The following NKPD1 variants were observed in gnomAD, a reference collection of about 807,000 sequenced individuals.
NKPD1 encodes NTPase KAP family P-loop domain-containing protein 1.
A neutral mutation model predicts 42.2 loss-of-function variants in NKPD1; 37 were observed. The observed-to-expected ratio is 0.88, with a 90% CI of 0.67 to 1.15. The LOEUF is 1.15. Ranked by LOEUF, NKPD1 falls within the 50% of genes most tolerant of loss-of-function variation. The pLI, the probability that NKPD1 is intolerant of heterozygous loss-of-function variation, is 0.00. For missense variants in NKPD1, 1,113 were observed against 1,174.6 expected (o/e 0.95, Z 0.77); for synonymous variants, 552 against 536.5 (o/e 1.03, Z -0.40).
chr19:45,162,289 C>T (rs1969022407), upstream of NKPD1, among the ~76,000 whole-genome samples: 1 of 152,202 alleles, frequency 6.6e-6, no homozygotes, highest in Non-Finnish European at 1.5e-5. Flanking sequence ...CAGCTACACT[C>T]AGCCAGGTGG....
intron 4 of NKPD1, among the ~76,000 whole-genome samples, chr19:45,155,242 C>T (rs1405022361): frequency 2.0e-5 from 3 of 151,826 alleles, no homozygotes; most frequent in Admixed American, 6.6e-5. Flanking sequence ...CACTTGAACC[C>T]GGGAGGCGGA....
In NKPD1 at chr19:45,155,389, C is replaced by G. The variant is rs145341058; in HGVS notation, c.661+396G>C. 2.5e-4 allele frequency among the ~76,000 whole-genome samples: 38 copies of G among 151,918 alleles called. No homozygotes were observed. In the East Asian group the frequency reaches 7.2e-3, roughly 29 times the overall value. On this transcript the variant is annotated intron_variant, in intron 4 of 4. Transcript: ENST00000686631. The stretch of plus-strand genomic sequence containing the variant: ...TCAGTTGGCATCTATGTATCAGGTA[C>G]TTTGTGACCACCAAGCCTTAAGAGG...
Position 45,150,393 on chromosome 19 carries a change from C to CA in NKPD1, c.*1544dup. 1 of 152,230 alleles carries CA rather than the reference C, an allele frequency of 6.6e-6. No homozygotes were observed. Among genetic ancestry groups the CA allele is most frequent in the South Asian group, 2.1e-4 (1 of 4,836 alleles). 9.4% of individuals were successfully genotyped at this position (152,230 alleles called of 1,614,324 possible). On this transcript the variant is annotated 3_prime_UTR_variant, in exon 5 of 5. Coordinates refer to ENST00000686631, the MANE Select transcript of NKPD1 (RefSeq NM_198478.4). Reference sequence around the variant, plus strand: ...CACGTTAGCATCTCTCACAGCACCCCACTCCTGGTAACAGGAGTGAAAATT... The same window carrying CA: ...CACGTTAGCATCTCTCACAGCACCCCAACTCCTGGTAACAGGAGTGAAAATT...
chr19:45,154,280 C>A (rs1208139564), intron 4 of NKPD1, among the ~76,000 whole-genome samples: 1 of 152,192 alleles, frequency 6.6e-6, no homozygotes, highest in Non-Finnish European at 1.5e-5. Context: ...CCTCCCTGAT[C>A]CCCAGGCTGG....
In NKPD1 at chr19:45,158,952, C is replaced by T; in HGVS notation, c.240G>A (p.Leu80=). 7.7e-7 allele frequency: 1 copy of T among 1,300,340 alleles called. No individual in the cohort carries two copies. The allele number at this position is 1,300,340 out of a possible 1,614,324, so 80.6% of individuals were successfully genotyped here. Residue 80 remains leucine, a synonymous_variant, in exon 3 of 5, where the codon CTG becomes CTA. Transcript: ENST00000686631. The surrounding 1 kb of genome is among the most constrained non-coding windows in gnomAD (Gnocchi z 4.6). ...GGGACTGGGGCTGCCGCTGCTGCTG[C>T]AGGACGGAGGGCAGGAGGCCCCGGC... The part of the protein sequence containing the change: ...GWRRGLLPSV[L]QQQRQPQSQP...
At chr19:45,161,590 G>T (rs771659031), upstream of NKPD1, among the ~76,000 whole-genome samples, 4 of 152,206 alleles carry the variant, frequency 2.6e-5, no homozygotes, top group Non-Finnish European at 5.9e-5. Flanking sequence ...TGAAGTCCTC[G>T]GCCCCAGGGC....
Position 45,151,112 on chromosome 19 carries a change from C to T in NKPD1, c.*826G>A, listed in dbSNP as rs1968768766. ...GTGGGGGAGCCCTAGTGTAACCCCT[C>T]CTGGCTGGCTGTGGCTTGGGCCCTG... On this transcript the variant is annotated 3_prime_UTR_variant, in exon 5 of 5. Transcript: ENST00000686631. The T allele has an allele frequency of 6.5e-6, 1 of 152,972 alleles. No individual in the cohort carries two copies. Among genetic ancestry groups the T allele is most frequent in the Non-Finnish European group, 1.5e-5 (1 of 68,646 alleles). 9.5% of individuals were successfully genotyped at this position (152,972 alleles called of 1,614,324 possible).
chr19:45,161,469 A>G (rs1969004254), upstream of NKPD1, among the ~76,000 whole-genome samples: 1 of 152,226 alleles, frequency 6.6e-6, no homozygotes, highest in African/African-American at 2.4e-5. Context: ...GACAAGGGCA[A>G]CAGCACACAC....
At chr19:45,157,421 A>C (rs920248967) in intron 3 of NKPD1, among the ~76,000 whole-genome samples, 2 of 152,148 alleles carry the variant, frequency 1.3e-5, no homozygotes, top group African/African-American at 4.8e-5. Flanking sequence ...ACCGAGTGGC[A>C]TACTTTTCGA....
Position 45,152,394 on chromosome 19 carries a change from C to G in NKPD1, c.2043G>C (p.Gly681=), listed in dbSNP as rs1270349445. 4 of 1,577,698 alleles carry G rather than the reference C, an allele frequency of 2.5e-6. No individual in the cohort carries two copies. Among genetic ancestry groups the G allele is most frequent in the Non-Finnish European group, 2.6e-6 (3 of 1,163,430 alleles). Residue 681 remains glycine (G), a synonymous_variant, in exon 5 of 5, where the codon GGG becomes GGC. Coordinates refer to ENST00000686631, the MANE Select transcript of NKPD1 (RefSeq NM_198478.4). The stretch of plus-strand genomic sequence containing the variant: ...GGCGCGCGCGGCCCTCGGGCGCGCC[C>G]CCGGTCTGCTGCCGGTCCTCCAGGC... ...LQCLEDRQQT[G]GAPEGRARLW...
chr19:45,160,603 C>A (rs1303874372), intron 1 of NKPD1, among the ~76,000 whole-genome samples: 1 of 151,826 alleles, frequency 6.6e-6, no homozygotes, highest in Admixed American at 6.6e-5. Context: ...GGACATGGAG[C>A]TAGTGAGGTG....
chr19:45,160,031 C>T (rs1476246766), intron 2 of NKPD1, 29 bp downstream of exon 2: 2 of 1,248,438 alleles, frequency 1.6e-6, no homozygotes, highest in East Asian at 1.1e-4. Flanking sequence ...CTCTGTCGGC[C>T]ATCACCCGCC....
chr19:45,162,768 G>A (rs150022433), upstream of NKPD1, among the ~76,000 whole-genome samples: 493 of 152,278 alleles, frequency 3.2e-3, 2 homozygotes, highest in African/African-American at 0.011. Context: ...CGCCCATGCC[G>A]GAGGCCAGCA....
chr19:45,152,056 C>G lies in NKPD1; in HGVS notation c.2381G>C (p.Arg794Pro). ...NSASRAPPSGRASGQAGEGHH... is the reference protein window; with the variant it reads ...NSASRAPPSGPASGQAGEGHH... ...GCCTTCGCCGGCTTGCCCTGAGGCA[C>G]GGCCCGACGGGGGCGCCCTGGAGGC... Residue 794 changes from arginine to proline, a missense_variant, in exon 5 of 5, where the codon CGT (arginine) becomes CCT (proline). By Grantham distance (103) the Arg-to-Pro change is moderately radical (BLOSUM62 -2). Transcript: ENST00000686631. 6.2e-7 allele frequency: 1 copy of G among 1,608,408 alleles called. No individual in the cohort carries two copies. The highest frequency in any genetic ancestry group is 8.5e-7 in the Non-Finnish European group (1 of 1,177,984).
rs964513287 is a variant in NKPD1 at position 45,152,381 on chromosome 19, C to T, written c.2056G>A (p.Gly686Ser). Reference protein sequence around the residue: ...DRQQTGGAPEGRARLWDVFRD... With the variant: ...DRQQTGGAPESRARLWDVFRD... ...AAAACGTCCCAGAGGCGCGCGCGGC[C>T]CTCGGGCGCGCCCCCGGTCTGCTGC... The change falls in exon 5 of 5, where the codon GGC becomes AGC. Residue 686 changes from glycine to serine, a missense_variant. Gly to Ser is a moderately conservative substitution (Grantham distance 56, BLOSUM62 0). Coordinates refer to ENST00000686631, the MANE Select transcript of NKPD1 (RefSeq NM_198478.4). 11 of 1,584,860 alleles carry T rather than the reference C, an allele frequency of 6.9e-6. No homozygotes were observed. The highest frequency in any genetic ancestry group is 3.5e-5 in the Admixed American group (2 of 56,742).
At position 45,152,219 on chromosome 19, in the gene NKPD1, G is replaced by A. The variant is rs1968795313; in HGVS notation, c.2218C>T (p.Leu740=). 1 of 1,602,448 alleles carries A rather than the reference G, an allele frequency of 6.2e-7. No individual in the cohort carries two copies. The highest frequency in any genetic ancestry group is 1.3e-5 in the African/African-American group (1 of 74,780). The change falls in exon 5 of 5, where the codon CTG becomes TTG. Residue 740 remains leucine (L), a synonymous_variant. Coordinates refer to ENST00000686631, the MANE Select transcript of NKPD1 (RefSeq NM_198478.4). ...TGGTCCAGGTTGACCGTGCAGCGCAGCAGGCTCTGCGCCTCGGCCACGGTG... is the reference window on the plus strand; with the variant it reads ...TGGTCCAGGTTGACCGTGCAGCGCAACAGGCTCTGCGCCTCGGCCACGGTG... ...PFTVAEAQSL[L]RCTVNLDHSI...
chr19:45,152,742 G>GTCCCCCGGCC lies in NKPD1; in HGVS notation c.1694_1695insGGCCGGGGGA (p.Asp565GlufsTer293), dbSNP rs1968814873. On this transcript the variant is annotated frameshift_variant, in exon 5 of 5. Transcript: ENST00000686631. LOFTEE classifies it low-confidence loss of function (END_TRUNC). ...GCAGCTGCGCGCTCTCGCCCCCGGC[G>GTCCCCCGGCC]TCCCCCGGCAGCCACGGCTTGCGCG... 1 of 1,592,090 alleles carries GTCCCCCGGCC rather than the reference G, an allele frequency of 6.3e-7. No individual in the cohort carries two copies. Among genetic ancestry groups the GTCCCCCGGCC allele is most frequent in the Admixed American group, 1.7e-5 (1 of 58,412 alleles).
rs1390961444 is a variant in NKPD1, at chr19:45,153,391, G to T, written c.1046C>A (p.Ala349Glu). 2 of 1,554,168 alleles carry T rather than the reference G, an allele frequency of 1.3e-6. No individual in the cohort carries two copies. Among genetic ancestry groups the T allele is most frequent in the African/African-American group, 2.7e-5 (2 of 73,892 alleles). ...RVCLGLLALL[A>E]ALGLGVGLLY... ...CAGCCCCACACCCAGGCCCAGCGCC[G>T]CCAGCAGCGCCAGCAGCCCCAGGCA... The change falls in exon 5 of 5, where the codon GCG becomes GAG. Residue 349 changes from alanine (A) to glutamate (E), a missense_variant. This residue lies in a region of NKPD1 where 867 missense variants were observed against 870.1 expected (regional missense o/e 1.00). Transcript: ENST00000686631.
At chr19:45,162,141 A>G (rs540358672), upstream of NKPD1, among the ~76,000 whole-genome samples, 1 of 152,072 alleles carries the variant, frequency 6.6e-6, no homozygotes, top group Admixed American at 6.5e-5. Flanking sequence ...GCGTGGCCCA[A>G]TGTAAATGAG....
Sources: allele counts gnomAD v4.1 joint callset (sites outside exome capture counted in the v4.1 genomes callset), GRCh38; gene constraint gnomAD v4.1.1; regional missense constraint gnomAD v4.1.1; non-coding constraint Gnocchi (gnomAD v3.1); transcripts MANE v1.5; gene names NCBI Gene and HGNC (gene_info 2026-07-23, HGNC 2026-07-21).